Variants in XKR6 observed in about 807,000 individuals in gnomAD.
XKR6 encodes the protein XK related 6.
In XKR6, 22 loss-of-function variants were observed where a neutral mutation model predicts 56.7. The observed-to-expected ratio is 0.39, with a 90% CI of 0.28 to 0.55. The LOEUF is 0.55. Among genes scored for constraint, XKR6 ranks in the 20% least tolerant of loss-of-function variants. The pLI is 0.66. For synonymous variants in XKR6, 524 were observed against 387.8 expected (o/e 1.35, Z -4.13); for missense variants, 852 against 889.0 (o/e 0.96, Z 0.53).
chr8:10,968,686 A>T (rs1333177184), intron 1 of XKR6, among the ~76,000 whole-genome samples: 1 of 152,248 alleles, frequency 6.6e-6, no homozygotes, highest in African/African-American at 2.4e-5. Context: ...ACCCCATCGG[A>T]TAAAACCACC....
intron 1 of XKR6, among the ~76,000 whole-genome samples, chr8:11,199,183 G>A (rs1345357357): frequency 2.0e-5 from 3 of 152,128 alleles, no homozygotes; most frequent in Non-Finnish European, 2.9e-5. Context: ...AGCCTAGAAA[G>A]GCTAGTAAAC....
intron 1 of XKR6, among the ~76,000 whole-genome samples, chr8:11,140,912 A>AC (rs1210393601): frequency 5.3e-5 from 8 of 151,798 alleles, no homozygotes; most frequent in Non-Finnish European, 1.0e-4. Context: ...AAAAAAAAAA[A>AC]AAAACCTTCC....
chr8:11,125,005 C>T (rs1176843214), intron 1 of XKR6, among the ~76,000 whole-genome samples: 3 of 148,296 alleles, frequency 2.0e-5, no homozygotes, highest in South Asian at 2.1e-4. Context: ...AGGAGAATGG[C>T]GTGAACCCGG....
intron 1 of XKR6, chr8:11,137,492 C>T (rs1209504828): frequency 2.2e-6 from 1 of 447,320 alleles, no homozygotes; most frequent in African/African-American, 2.0e-5. Context: ...AGAATAGAAT[C>T]TCTGCTACAC....
chr8:11,146,091 T>G (rs1426486448), intron 1 of XKR6, among the ~76,000 whole-genome samples: 1 of 152,148 alleles, frequency 6.6e-6, no homozygotes, highest in East Asian at 1.9e-4. Flanking sequence ...AAAGAAAGAA[T>G]AGCCTTTCAA....
intron 1 of XKR6, among the ~76,000 whole-genome samples, chr8:11,189,112 T>A (rs1179404936): frequency 2.0e-5 from 3 of 152,172 alleles, no homozygotes; most frequent in Admixed American, 6.5e-5. Context: ...ACACTCAGTA[T>A]CTATTAGGTC....
rs893357982 is a variant in XKR6, at chr8:10,972,142, G to A, written c.765-47312C>T. Among the ~76,000 whole-genome samples the A allele has an allele frequency of 2.0e-5, 3 of 152,130 alleles. No individual in the cohort carries two copies. In the South Asian group the frequency reaches 6.2e-4, roughly 31 times the overall value. On this transcript the variant is annotated intron_variant, in intron 1 of 2. Transcript: ENST00000416569. Reference sequence around the variant, plus strand: ...TGCCTTCCGACCCCGACTGCTTGGGGGTTCATCCGGGCCCAGCTGGGGCCT... The same window carrying A: ...TGCCTTCCGACCCCGACTGCTTGGGAGTTCATCCGGGCCCAGCTGGGGCCT...
intron 1 of XKR6, among the ~76,000 whole-genome samples, chr8:11,083,078 C>T (rs1797779520): frequency 6.6e-6 from 1 of 152,178 alleles, no homozygotes; most frequent in Non-Finnish European, 1.5e-5. Flanking sequence ...TGAGTCTCCT[C>T]TGGAACTCGG....
At position 11,055,910 on chromosome 8, in the gene XKR6, G is replaced by A. The variant is rs554442092; in HGVS notation, c.765-131080C>T. On this transcript the variant is annotated intron_variant, in intron 1 of 2. Coordinates refer to ENST00000416569, the MANE Select transcript of XKR6 (RefSeq NM_173683.4). ...AAAACCTGATTTCCTTCATACCCCC[G>A]CTCCATACACTTTGTGTTCCAGGCA... Among the ~76,000 whole-genome samples, 4 of 152,180 alleles carry A rather than the reference G, an allele frequency of 2.6e-5. No individual in the cohort carries two copies. In the South Asian group the frequency reaches 8.3e-4, roughly 32 times the overall value.
intron 1 of XKR6, among the ~76,000 whole-genome samples, chr8:11,153,509 C>T (rs752351055): frequency 3.9e-5 from 6 of 152,134 alleles, no homozygotes; most frequent in Admixed American, 6.6e-5. Flanking sequence ...TCATATAAAC[C>T]GGTCTTTTGC....
chr8:11,111,976 C>A (rs1798918765), intron 1 of XKR6: 1 of 152,096 alleles, frequency 6.6e-6, no homozygotes, highest in Non-Finnish European at 1.5e-5. Flanking sequence ...TTATAATTTT[C>A]AAAACATTTT....
chr8:11,187,227 G>A (rs1585034034), intron 1 of XKR6, among the ~76,000 whole-genome samples: 1 of 152,174 alleles, frequency 6.6e-6, no homozygotes, highest in Admixed American at 6.5e-5. Flanking sequence ...CTAGGTTTTG[G>A]AGGCAGAATG....
At chr8:11,113,116 G>T (rs1798987485) in intron 1 of XKR6, among the ~76,000 whole-genome samples, 1 of 152,110 alleles carries the variant, frequency 6.6e-6, no homozygotes, top group South Asian at 2.1e-4. Context: ...TTAAATGACT[G>T]CACAATTTAG....
intron 1 of XKR6, among the ~76,000 whole-genome samples, chr8:11,011,955 G>A (rs1266763370): frequency 6.6e-6 from 1 of 152,256 alleles, no homozygotes; most frequent in Non-Finnish European, 1.5e-5. Flanking sequence ...TGGTGCAGGA[G>A]GTGGCAGGGA....
chr8:10,968,551 C>G (rs1023981561), intron 1 of XKR6, among the ~76,000 whole-genome samples: 3 of 152,198 alleles, frequency 2.0e-5, no homozygotes, highest in Non-Finnish European at 4.4e-5. Context: ...GTCCTCCAGG[C>G]CTAGGGTGTT....
At position 10,898,530 on chromosome 8, in the gene XKR6, A is replaced by T; in HGVS notation, c.1348T>A (p.Leu450Met). 8 of 1,614,162 alleles carry T rather than the reference A, an allele frequency of 5.0e-6. No individual in the cohort carries two copies. Among genetic ancestry groups the T allele is most frequent in the Non-Finnish European group, 6.8e-6 (8 of 1,180,022 alleles). ...YRMFAYYTIVLTENAALTFLW... is the reference protein window; with the variant it reads ...YRMFAYYTIVMTENAALTFLW... ...AACGTCAAGGCAGCATTCTCGGTCA[A>T]GACTATCGTATAATATGCAAACATT... Residue 450 changes from leucine (L) to methionine (M), a missense_variant, in exon 3 of 3, where the codon TTG becomes ATG. Leu to Met is a conservative substitution (Grantham distance 15). Transcript: ENST00000416569. This position sits in a 1 kb window ranked among gnomAD's most constrained non-coding sequence, Gnocchi z 6.6.
intron 1 of XKR6, among the ~76,000 whole-genome samples, chr8:11,172,850 C>T (rs1196448086): frequency 2.0e-5 from 3 of 152,068 alleles, no homozygotes; most frequent in Non-Finnish European, 4.4e-5. Flanking sequence ...AGAAGATTCA[C>T]GGGGAAAACA....
At chr8:11,089,454 G>A (rs192356609) in intron 1 of XKR6, among the ~76,000 whole-genome samples, 16 of 152,176 alleles carry the variant, frequency 1.1e-4, no homozygotes, top group Non-Finnish European at 2.1e-4. Context: ...AATACAGCAA[G>A]ACCCCACCTC....
intron 1 of XKR6, among the ~76,000 whole-genome samples, chr8:11,188,185 C>G (rs559701990): frequency 4.6e-5 from 7 of 152,172 alleles, no homozygotes; most frequent in South Asian, 2.1e-4. Context: ...TACACTTCAA[C>G]CTCATCAGAC....
Sources: allele counts gnomAD v4.1 joint callset (sites outside exome capture counted in the v4.1 genomes callset), GRCh38; gene constraint gnomAD v4.1.1; non-coding constraint Gnocchi (gnomAD v3.1); transcripts MANE v1.5; gene names NCBI Gene and HGNC (gene_info 2026-07-23, HGNC 2026-07-21).